PEX1: variants seen among roughly 807,000 people sequenced by gnomAD.
The protein encoded by PEX1 is peroxisomal ATPase PEX1.
PEX1 carries 97 observed loss-of-function variants against 152.5 expected under a neutral mutation model. The observed-to-expected ratio is 0.64, with a 90% CI of 0.54 to 0.75. PEX1 has a LOEUF of 0.75. Among genes scored for constraint, PEX1 ranks in the 30% least tolerant of loss-of-function variants. The pLI, the probability that PEX1 is intolerant of heterozygous loss-of-function variation, is 0.00. For synonymous variants in PEX1, 485 were observed against 531.6 expected (o/e 0.91, Z 1.21); for missense variants, 1,357 against 1,516.3 (o/e 0.89, Z 1.74).
chr7:92,516,069 AG>A lies in PEX1; in HGVS notation c.1239+1206del, dbSNP rs751109144. On this transcript the variant is annotated intron_variant, in intron 5 of 23. Coordinates refer to ENST00000248633, the MANE Select transcript of PEX1 (RefSeq NM_000466.3). Reference sequence around the variant, plus strand: ...AAGAGAAGAGAAAAAAGAAAAGAAAAGAAAAGAAAAGAAAAGAAAAGAAAAG... The same window carrying A: ...AAGAGAAGAGAAAAAAGAAAAGAAAAAAAAGAAAAGAAAAGAAAAGAAAAG... 1.2e-3 allele frequency among the ~76,000 whole-genome samples: 167 copies of A among 134,060 alleles called. 1 individual carries two copies. Among genetic ancestry groups the A allele is most frequent in the Non-Finnish European group, 1.3e-3 (81 of 60,424 alleles). The allele number at this position is 134,060 out of a possible 152,430, so 87.9% of individuals were successfully genotyped here. A position where few individuals can be genotyped will look rare whatever the true frequency, so the allele number is the denominator to read the frequency against.
intron 5 of PEX1, among the ~76,000 whole-genome samples, chr7:92,516,092 AAAG>A (rs1330722712): frequency 6.6e-6 from 1 of 151,626 alleles, no homozygotes; most frequent in East Asian, 1.9e-4. Context: ...AAAGAAAAGA[AAAG>A]AAAAGAAAAG....
chr7:92,500,628 A>G (rs954991208), intron 15 of PEX1, among the ~76,000 whole-genome samples: 6 of 152,182 alleles, frequency 3.9e-5, no homozygotes, highest in African/African-American at 1.2e-4. Flanking sequence ...GCTGCAATCA[A>G]CATGTCCCAG....
rs375207681 is a variant in PEX1 at position 92,504,920 on chromosome 7, G to A, written c.1901-18C>T. 12 of 1,596,686 alleles carry A rather than the reference G, an allele frequency of 7.5e-6. No homozygotes were observed. In the African/African-American group the frequency reaches 1.3e-4, roughly 18 times the overall value. ...CCTTTTTCCTTAATACAGAAGATAT[G>A]AAATGGTTTCAGTATCATTTCAGTG... On this transcript the variant is annotated intron_variant, in intron 11 of 23. Coordinates refer to ENST00000248633, the MANE Select transcript of PEX1 (RefSeq NM_000466.3).
rs542911760 is a variant in PEX1, at chr7:92,528,458, T to C, written c.-23A>G. 6.4e-7 allele frequency: 1 copy of C among 1,567,856 alleles called. No homozygotes were observed. Among genetic ancestry groups the C allele is most frequent in the African/African-American group, 1.4e-5 (1 of 73,982 alleles). On this transcript the variant is annotated 5_prime_UTR_variant, in exon 1 of 24. Transcript: ENST00000248633. ...CATCGTCCCGGAGCGTCGCTCTGGG[T>C]TCGCCCACCCTAGCGCCGCAAAGGA...
At chr7:92,503,234 TA>T in intron 12 of PEX1, 39 bp from the exon 13 acceptor site, 1 of 1,576,706 alleles carries the variant, frequency 6.3e-7, no homozygotes, top group Non-Finnish European at 8.7e-7. Flanking sequence ...TTAGGAAAAG[TA>T]AACATGAAAT....
At position 92,517,997 on chromosome 7, in the gene PEX1, G is replaced by A; in HGVS notation, c.518C>T (p.Thr173Ile). The part of the protein sequence containing the change: ...AASYGRLETD[T>I]KLLIQPKTRR... ...TGTCTTTGGCTGAATAAGGAGTTTG[G>A]TGTCAGTTTCCAGCCTTCCATAAGA... The change falls in exon 5 of 24, where the codon ACC (threonine) becomes ATC (isoleucine). Residue 173 changes from threonine (T) to isoleucine (I), a missense_variant. Coordinates refer to ENST00000248633, the MANE Select transcript of PEX1 (RefSeq NM_000466.3). The A allele has an allele frequency of 6.2e-7, 1 of 1,614,002 alleles. No homozygotes were observed. Among genetic ancestry groups the A allele is most frequent in the Non-Finnish European group, 8.5e-7 (1 of 1,179,970 alleles).
At chr7:92,521,247 T>C (rs905130866) in intron 2 of PEX1, among the ~76,000 whole-genome samples, 1 of 152,184 alleles carries the variant, frequency 6.6e-6, no homozygotes, top group Non-Finnish European at 1.5e-5. Context: ...ATTACAGGCA[T>C]AAGCCATTGA....
chr7:92,519,729 T>G (rs1300235605), intron 2 of PEX1, among the ~76,000 whole-genome samples: 1 of 152,168 alleles, frequency 6.6e-6, no homozygotes, highest in Admixed American at 6.5e-5. Context: ...GTATAATCCT[T>G]CACAGTTGAA....
At chr7:92,510,511 G>A (rs1356690899) in intron 8 of PEX1, among the ~76,000 whole-genome samples, 3 of 151,490 alleles carry the variant, frequency 2.0e-5, no homozygotes, top group Admixed American at 2.0e-4. Flanking sequence ...ACTTATGGAA[G>A]CAAAGAAAAG....
At chr7:92,513,060 AT>A (rs1238381057) in intron 6 of PEX1, among the ~76,000 whole-genome samples, 1 of 152,066 alleles carries the variant, frequency 6.6e-6, no homozygotes. Flanking sequence ...ACATGGGACA[AT>A]TTTTTTTAAT....
intron 11 of PEX1, among the ~76,000 whole-genome samples, chr7:92,505,176 C>A (rs1381452793): frequency 6.6e-6 from 1 of 152,120 alleles, no homozygotes; most frequent in African/African-American, 2.4e-5. Flanking sequence ...TTTGGGAAAC[C>A]AAGGCAGGCA....
chr7:92,488,104 T>C (rs945088572), intron 23 of PEX1, among the ~76,000 whole-genome samples: 3 of 152,218 alleles, frequency 2.0e-5, no homozygotes, highest in Non-Finnish European at 2.9e-5. Flanking sequence ...AGCTACACTA[T>C]AAAATGACAT....
intron 2 of PEX1, among the ~76,000 whole-genome samples, chr7:92,521,068 T>A (rs1793028496): frequency 1.3e-5 from 2 of 152,228 alleles, no homozygotes; most frequent in Admixed American, 1.3e-4. Flanking sequence ...CAAGCATTCC[T>A]CCTACCTCAG....
At chr7:92,512,841 G>A (rs1264782461) in intron 6 of PEX1, among the ~76,000 whole-genome samples, 2 of 151,762 alleles carry the variant, frequency 1.3e-5, no homozygotes, top group Non-Finnish European at 2.9e-5. Flanking sequence ...ATGTTGCCCA[G>A]GCTATTCTCA....
In PEX1 at chr7:92,501,932, T is replaced by C. The variant is rs755913199; in HGVS notation, c.2374A>G (p.Ile792Val). 6.2e-7 allele frequency: 1 copy of C among 1,614,084 alleles called. No individual in the cohort carries two copies. The highest frequency in any genetic ancestry group is 8.5e-7 in the Non-Finnish European group (1 of 1,179,952). ...CTCTGACGAGAGAGTCGAGAATGTA[T>C]GGCTCGATCCACAAGTACTGTAAAA... Reference protein sequence around the residue: ...RDFTVLVDRAIHSRLSRQSIS... With the variant: ...RDFTVLVDRAVHSRLSRQSIS... The change falls in exon 14 of 24, where the codon ATA becomes GTA. Residue 792 changes from isoleucine (I) to valine (V), a missense_variant. Coordinates refer to ENST00000248633, the MANE Select transcript of PEX1 (RefSeq NM_000466.3).
chr7:92,490,069 G>T, intron 21 of PEX1, 158 bp from the exon 22 acceptor site: 1 of 679,646 alleles, frequency 1.5e-6, no homozygotes, highest in East Asian at 2.7e-5. Context: ...CTGAAAAGTT[G>T]TTCATCTTTT....
rs79002315 is a variant in PEX1, at chr7:92,507,185, T to TA, written c.1671-60dup. 298,661 of 1,491,524 alleles carry TA rather than the reference T, an allele frequency of 0.2. 37,015 individuals carry two copies. The highest frequency in any genetic ancestry group is 0.62 in the East Asian group (26,251 of 42,482). 92.4% of individuals were successfully genotyped at this position (1,491,524 alleles called of 1,614,324 possible). On this transcript the variant is annotated intron_variant, in intron 9 of 23. Coordinates refer to ENST00000248633, the MANE Select transcript of PEX1 (RefSeq NM_000466.3). ...ACTGAAGCAGGATAAAATTTAGCTA[T>TA]AAAAAAATGCTGAATTTTGCCTTCC...
chr7:92,498,249 A>C (rs1484858522), intron 16 of PEX1, among the ~76,000 whole-genome samples: 2 of 151,968 alleles, frequency 1.3e-5, no homozygotes, highest in African/African-American at 4.8e-5. Flanking sequence ...CACGTCTGTA[A>C]TCCCAGAACT....
At position 92,489,282 on chromosome 7, in the gene PEX1, C is replaced by A; in HGVS notation, c.3767+11G>T. ...AGTAGCTGTACTTCCAAAACAGAAT[C>A]TGTTACTTACAGCTCAGCAAAATTC... On this transcript the variant is annotated intron_variant, in intron 23 of 23. Coordinates refer to ENST00000248633, the MANE Select transcript of PEX1 (RefSeq NM_000466.3). 6.2e-7 allele frequency: 1 copy of A among 1,611,390 alleles called. No homozygotes were observed. The highest frequency in any genetic ancestry group is 8.5e-7 in the Non-Finnish European group (1 of 1,177,806).
Sources: allele counts gnomAD v4.1 joint callset (sites outside exome capture counted in the v4.1 genomes callset), GRCh38; gene constraint gnomAD v4.1.1; transcripts MANE v1.5; gene names NCBI Gene and HGNC (gene_info 2026-07-23, HGNC 2026-07-21).